Variants in TBL1X observed in about 807,000 individuals in gnomAD.
TBL1X encodes the protein F-box-like/WD repeat-containing protein TBL1X.
A neutral mutation model predicts 50.7 loss-of-function variants in TBL1X; 10 were observed. That is an observed-to-expected ratio of 0.20 (90% CI 0.12 to 0.33). The LOEUF is 0.33. Ranked by LOEUF, TBL1X falls within the 10% of genes least tolerant of loss-of-function variation. The pLI is 1.00. For synonymous variants in TBL1X, 190 were observed against 214.7 expected, an observed-to-expected ratio of 0.88 and a Z score of 1.01; for missense variants, 340 against 504.4, an observed-to-expected ratio of 0.67 and a Z score of 3.12.
chrX:9,685,760 T>C (rs2083055391), intron 6 of TBL1X, among the ~76,000 whole-genome samples: 1 of 96,198 alleles, frequency 1.0e-5, no homozygotes, highest in African/African-American at 3.8e-5. Flanking sequence ...TCTCTCTCTG[T>C]CACCCAGGTG....
At chrX:9,695,612 C>T (rs1476691276) in intron 11 of TBL1X, among the ~76,000 whole-genome samples, 1 of 112,156 alleles carries the variant, frequency 8.9e-6, no homozygotes, top group East Asian at 2.8e-4. Context: ...CCATCCGGTA[C>T]TGCCAAGATA....
chrX:9,484,450 A>G (rs2081900098), intron 1 of TBL1X, among the ~76,000 whole-genome samples: 2 of 111,150 alleles, frequency 1.8e-5, no homozygotes, highest in Admixed American at 9.6e-5. Flanking sequence ...CCAGGCAGCC[A>G]TTGGTGGGCA....
chrX:9,716,368 A>C lies in TBL1X; in HGVS notation c.*122A>C. 2 of 758,379 alleles carry C rather than the reference A, an allele frequency of 2.6e-6. No homozygotes were observed. Among genetic ancestry groups the C allele is most frequent in the Non-Finnish European group, 3.8e-6 (2 of 524,374 alleles). 62.5% of individuals were successfully genotyped at this position (758,379 alleles called of 1,213,427 possible). A position where few individuals can be genotyped will look rare whatever the true frequency, so the allele number is the denominator to read the frequency against. On this transcript the variant is annotated 3_prime_UTR_variant, in exon 18 of 18. Coordinates refer to ENST00000645353, the MANE Select transcript of TBL1X (RefSeq NM_005647.4). ...TGCGTTAGAGTGTACTCTGAAACCA[A>C]CTCGTCTCTGGCCGCAGGAGTCTAT...
At chrX:9,507,300 G>A (rs1251330509) in intron 2 of TBL1X, among the ~76,000 whole-genome samples, 2 of 111,746 alleles carry the variant, frequency 1.8e-5, no homozygotes, top group Non-Finnish European at 3.8e-5. Flanking sequence ...ACCAACAGTA[G>A]GCAGGCAGAG....
chrX:9,534,801 G>C (rs1044534388), intron 2 of TBL1X: 1 of 111,039 alleles, frequency 9.0e-6, no homozygotes, highest in African/African-American at 3.3e-5. Flanking sequence ...TGTAGGCATT[G>C]TCAGCTGCAG....
rs757455771 is a variant in TBL1X at position 9,719,218 on chromosome X, G to C, written c.*2972G>C. 1.6e-4 allele frequency: 18 copies of C among 112,156 alleles called. No individual in the cohort carries two copies. The highest frequency in any genetic ancestry group is 1.5e-3 in the Admixed American group (16 of 10,569). The allele number at this position is 112,156 out of a possible 1,213,427, so 9.2% of individuals were successfully genotyped here. ...TCCAGCACACACCTGGGAAAGGGAT[G>C]CTGCCCCAAGGGGGACCAAAAGGGC... On this transcript the variant is annotated 3_prime_UTR_variant, in exon 18 of 18. Coordinates refer to ENST00000645353, the MANE Select transcript of TBL1X (RefSeq NM_005647.4).
intron 1 of TBL1X, among the ~76,000 whole-genome samples, chrX:9,488,696 C>T (rs1438617698): frequency 8.9e-6 from 1 of 112,055 alleles, no homozygotes; most frequent in Non-Finnish European, 1.9e-5. Flanking sequence ...GACAGACTTA[C>T]TTCCTTTGTT....
chrX:9,702,675 C>T (rs754716608), intron 12 of TBL1X, among the ~76,000 whole-genome samples: 3 of 110,728 alleles, frequency 2.7e-5, no homozygotes, highest in African/African-American at 9.9e-5. Flanking sequence ...GACATGGTGG[C>T]CAGAGCCTGG....
intron 2 of TBL1X, among the ~76,000 whole-genome samples, chrX:9,503,575 G>A (rs1319545134): frequency 2.6e-5 from 3 of 113,216 alleles, no homozygotes; most frequent in African/African-American, 6.4e-5. Context: ...TACAGGCTAC[G>A]CTTTTCCCCT....
intron 3 of TBL1X, among the ~76,000 whole-genome samples, chrX:9,648,293 G>A (rs1601815289): frequency 8.9e-6 from 1 of 112,089 alleles, no homozygotes; most frequent in African/African-American, 3.2e-5. Flanking sequence ...AGTAGTAATT[G>A]TAATAAAGCA....
At chrX:9,588,894 C>T (rs779888071) in intron 2 of TBL1X, among the ~76,000 whole-genome samples, 81 of 111,224 alleles carry the variant, frequency 7.3e-4, no homozygotes, top group Middle Eastern at 4.6e-3. Flanking sequence ...TGAGCCACTG[C>T]GCCCGTCCTC....
chrX:9,653,368 C>CTT (rs1473865388), intron 3 of TBL1X, among the ~76,000 whole-genome samples, 177 bp from the exon 4 acceptor site: 3 of 112,604 alleles, frequency 2.7e-5, no homozygotes, highest in Non-Finnish European at 5.6e-5. Context: ...AAACCAGACT[C>CTT]TGTCTTGGCT....
chrX:9,472,695 C>T (rs1473765244), intron 1 of TBL1X, among the ~76,000 whole-genome samples: 1 of 110,215 alleles, frequency 9.1e-6, no homozygotes, highest in Non-Finnish European at 1.9e-5. Flanking sequence ...GGGCAGATCA[C>T]GAGGTCAGGA....
intron 2 of TBL1X, among the ~76,000 whole-genome samples, chrX:9,570,384 C>T (rs2681647): frequency 0.43 from 46,950 of 110,393 alleles, 8,459 homozygotes; most frequent in Admixed American, 0.58. Flanking sequence ...ACGTGGGGAG[C>T]GCGTACCCTC....
At chrX:9,713,426 C>CTTTTTT (rs1159464236) in intron 16 of TBL1X, among the ~76,000 whole-genome samples, 1 of 78,501 alleles carries the variant, frequency 1.3e-5, no homozygotes, top group Non-Finnish European at 2.4e-5. Context: ...TAGGACTTTT[C>CTTTTTT]TTTTTTTTTT....
At chrX:9,566,689 A>G (rs774643024) in intron 2 of TBL1X, among the ~76,000 whole-genome samples, 1 of 112,351 alleles carries the variant, frequency 8.9e-6, no homozygotes, top group African/African-American at 3.2e-5. Context: ...AATGTTAATC[A>G]TTATGGCAAA....
At chrX:9,576,417 CTAACGCA>C (rs933415198) in intron 2 of TBL1X, among the ~76,000 whole-genome samples, 1 of 112,401 alleles carries the variant, frequency 8.9e-6, no homozygotes, top group African/African-American at 3.2e-5. Context: ...GAGTGATGCG[CTAACGCA>C]TATCATTGAG....
Position 9,492,894 on chromosome X carries a change from T to TGTGTGTGTAG in TBL1X, c.-200-8882_-200-8881insGTGTAGGTGT, listed in dbSNP as rs796965171. Among the ~76,000 whole-genome samples the TGTGTGTGTAG allele has an allele frequency of 8.5e-3, 205 of 24,173 alleles. 16 individuals carry two copies. The highest frequency in any genetic ancestry group is 0.019 in the African/African-American group (192 of 9,852). The allele number at this position is 24,173 out of a possible 115,157, so 21.0% of individuals were successfully genotyped here. A position where few individuals can be genotyped will look rare whatever the true frequency, so the allele number is the denominator to read the frequency against. On this transcript the variant is annotated intron_variant, in intron 1 of 17. Coordinates refer to ENST00000645353, the MANE Select transcript of TBL1X (RefSeq NM_005647.4). ...GTGTGTGTGTGTGTGTGTGTGTGTG[T>TGTGTGTGTAG]GTGTAGGGGAGGAAGGAATGGAAGG...
chrX:9,584,462 A>G (rs762478153), intron 2 of TBL1X, among the ~76,000 whole-genome samples: 5 of 112,423 alleles, frequency 4.4e-5, no homozygotes, highest in African/African-American at 9.7e-5. Context: ...TACAAGTTCT[A>G]TGTCAAAGTG....
Sources: gnomAD v4.1 joint callset for allele counts (sites outside exome capture counted in the v4.1 genomes callset) on GRCh38, gnomAD v4.1.1 for gene constraint, MANE v1.5 for transcripts, NCBI Gene and HGNC (gene_info 2026-07-23, HGNC 2026-07-21) for gene names.